Variants in C3orf52 observed in about 807,000 individuals in gnomAD.
The protein encoded by C3orf52 is chromosome 3 open reading frame 52, also known as TPA-induced transmembrane protein.
A neutral mutation model predicts 24.8 loss-of-function variants in C3orf52; 22 were observed. The ratio of observed to expected loss-of-function variants is 0.89; its 90% CI spans 0.63 to 1.27. The LOEUF is 1.27. C3orf52 is among the 50% of genes most tolerant of loss of function. The pLI is 0.00. For missense variants in C3orf52, 265 were observed against 260.7 expected (o/e 1.02, Z -0.11); for synonymous variants, 93 against 100.2 (o/e 0.93, Z 0.43).
chr3:112,087,071 C>T (rs971298408), intron 1 of C3orf52, among the ~76,000 whole-genome samples: 22 of 148,356 alleles, frequency 1.5e-4, no homozygotes, highest in Admixed American at 1.1e-3. Flanking sequence ...CCAGCCTGGC[C>T]ATTGGATTCT....
At chr3:112,105,491 A>G (rs1175855699) in intron 3 of C3orf52, among the ~76,000 whole-genome samples, 1 of 151,792 alleles carries the variant, frequency 6.6e-6, no homozygotes, top group Non-Finnish European at 1.5e-5. Context: ...TGGGGGAAAA[A>G]TTATTTTTTT....
chr3:112,097,935 T>C (rs1183705818), intron 2 of C3orf52, among the ~76,000 whole-genome samples: 1 of 152,196 alleles, frequency 6.6e-6, no homozygotes, highest in Non-Finnish European at 1.5e-5. Flanking sequence ...TAGAAGTTAT[T>C]TATATCTTAC....
intron 2 of C3orf52, among the ~76,000 whole-genome samples, chr3:112,098,589 ATTTG>A (rs1559971387): frequency 1.3e-5 from 2 of 152,290 alleles, no homozygotes; most frequent in East Asian, 1.9e-4. Context: ...TGAAACTACC[ATTTG>A]TTTGTATGCT....
At chr3:112,102,990 A>G (rs1474178178) in intron 3 of C3orf52, 25 bp downstream of exon 3, 1 of 1,608,230 alleles carries the variant, frequency 6.2e-7, no homozygotes, top group Non-Finnish European at 8.5e-7. Flanking sequence ...TATATTGCCT[A>G]AGGAGTTCTT....
chr3:112,123,705 G>T, intron 4 of C3orf52: 1 of 1,614,032 alleles, frequency 6.2e-7, no homozygotes, highest in South Asian at 1.1e-5. Flanking sequence ...TGATGGCCTT[G>T]TACAGAGAAC....
At chr3:112,113,807 C>T (rs966332959) in intron 5 of C3orf52, among the ~76,000 whole-genome samples, 1 of 152,216 alleles carries the variant, frequency 6.6e-6, no homozygotes, top group African/African-American at 2.4e-5. Context: ...CAAAACCTGA[C>T]AGAAAGGAAG....
intron 2 of C3orf52, among the ~76,000 whole-genome samples, chr3:112,094,240 C>G (rs2073905726): frequency 6.6e-6 from 1 of 152,218 alleles, no homozygotes; most frequent in South Asian, 2.1e-4. Flanking sequence ...AGTGATCTGC[C>G]TGCCTTGGCC....
chr3:112,097,949 T>C (rs994287863), intron 2 of C3orf52, among the ~76,000 whole-genome samples: 1 of 152,200 alleles, frequency 6.6e-6, no homozygotes, highest in African/African-American at 2.4e-5. Context: ...ATCTTACTGC[T>C]CAAGGTCATC....
chr3:112,123,514 A>T (rs1371200320), intron 4 of C3orf52: 9 of 1,614,190 alleles, frequency 5.6e-6, no homozygotes, highest in Admixed American at 1.7e-5. Flanking sequence ...TGTTGCAGAA[A>T]GTGAGAGGAG....
downstream of C3orf52, chr3:112,130,363 C>A (rs1402382917): frequency 9.2e-7 from 1 of 1,086,544 alleles, no homozygotes; most frequent in South Asian, 1.2e-5. Flanking sequence ...CCCTCTCTCA[C>A]TGGGATGTGA....
chr3:112,128,652 G>A (rs1030694933), exon 5 of C3orf52: 1 of 182,194 alleles, frequency 5.5e-6, no homozygotes, highest in Non-Finnish European at 1.2e-5. Flanking sequence ...TATGAATACA[G>A]AATGAATAGC....
downstream of C3orf52, chr3:112,133,180 C>T (rs2074500203): frequency 1.9e-6 from 3 of 1,572,314 alleles, no homozygotes; most frequent in Non-Finnish European, 2.6e-6. Flanking sequence ...TTGCCTTGTG[C>T]TCTGACAGGG....
chr3:112,097,762 T>C (rs2073938326), intron 2 of C3orf52, among the ~76,000 whole-genome samples: 1 of 152,214 alleles, frequency 6.6e-6, no homozygotes, highest in South Asian at 2.1e-4. Context: ...TTCAAATCGC[T>C]GATGTTTCTC....
intron 2 of C3orf52, among the ~76,000 whole-genome samples, chr3:112,094,397 T>C (rs1231305600): frequency 1.3e-5 from 2 of 152,244 alleles, no homozygotes; most frequent in Non-Finnish European, 2.9e-5. Context: ...ACTACATCTA[T>C]TCCATATATT....
At position 112,117,316 on chromosome 3, in the gene C3orf52, A is replaced by G. The variant is rs979207603; in HGVS notation, c.*670A>G. 3.7e-6 allele frequency: 1 copy of G among 268,736 alleles called. No individual in the cohort carries two copies. Among genetic ancestry groups the G allele is most frequent in the Non-Finnish European group, 7.0e-6 (1 of 142,240 alleles). 16.6% of individuals were successfully genotyped at this position (268,736 alleles called of 1,614,324 possible). ...TGACCTGTACCTGAGTATCTTAGCC[A>G]GCCAGCCTTAGGAACACCACCAAGG... On this transcript the variant is annotated 3_prime_UTR_variant, in exon 6 of 6. Coordinates refer to ENST00000264848, the MANE Select transcript of C3orf52 (RefSeq NM_024616.3).
At chr3:112,099,236 G>A (rs1016699204) in intron 2 of C3orf52, among the ~76,000 whole-genome samples, 30 of 152,122 alleles carry the variant, frequency 2.0e-4, no homozygotes, top group Non-Finnish European at 7.3e-5. Context: ...AAATTGCCCA[G>A]TCTCAGGTAG....
At chr3:112,123,596 A>G in intron 4 of C3orf52, 3 of 1,614,066 alleles carry the variant, frequency 1.9e-6, no homozygotes, top group Non-Finnish European at 2.5e-6. Flanking sequence ...TAGAAGGCAT[A>G]TGTAGAAGTG....
At chr3:112,122,119 T>A (rs1576156153), downstream of C3orf52, 1 of 152,384 alleles carries the variant, frequency 6.6e-6, no homozygotes, top group East Asian at 1.9e-4. Flanking sequence ...TGTGATTTAA[T>A]ATTTTTATGC....
Position 112,086,406 on chromosome 3 carries a change from A to C in C3orf52, c.-2A>C. On this transcript the variant is annotated 5_prime_UTR_variant, in exon 1 of 6. Transcript: ENST00000264848. ...AGCCGCTCAGACTTTCCCTGCCGGC[A>C]CATGGACCTGGCCCAACCCTCACAG... The C allele has an allele frequency of 6.5e-7, 1 of 1,540,340 alleles. No individual in the cohort carries two copies. Among genetic ancestry groups the C allele is most frequent in the Non-Finnish European group, 8.8e-7 (1 of 1,139,898 alleles).
Sources: allele counts gnomAD v4.1 joint callset (sites outside exome capture counted in the v4.1 genomes callset), GRCh38; gene constraint gnomAD v4.1.1; transcripts MANE v1.5; gene names NCBI Gene and HGNC (gene_info 2026-07-23, HGNC 2026-07-21).